The following PHLPP1 variants were observed in gnomAD, a reference collection of about 807,000 sequenced individuals.
PHLPP1 encodes PH domain leucine-rich repeat-containing protein phosphatase 1.
PHLPP1 carries 42 observed loss-of-function variants against 117.2 expected under a neutral mutation model. The observed-to-expected ratio is 0.36, with a 90% CI of 0.28 to 0.46. PHLPP1 has a LOEUF of 0.46. Ranked by LOEUF, PHLPP1 falls within the 20% of genes least tolerant of loss-of-function variation. PHLPP1 has a pLI of 1.00. For synonymous variants in PHLPP1, 1,042 were observed against 970.7 expected (o/e 1.07, Z -1.37); for missense variants, 2,084 against 2,241.9 (o/e 0.93, Z 1.42).
chr18:62,854,985 C>A (rs916728017), intron 3 of PHLPP1, among the ~76,000 whole-genome samples: 25 of 152,184 alleles, frequency 1.6e-4, no homozygotes, highest in Admixed American at 1.6e-3. Flanking sequence ...GCATGAGCCC[C>A]TACACCCAGC....
rs567827672 is a variant in PHLPP1, at chr18:62,761,502, G to A, written c.1576+44243G>A. Reference sequence around the variant, plus strand: ...AAAAAAATTAGCCGGATGTGGTGGCGGGCGCTTGTAGTCCCAGCTACTTGG... The same window carrying A: ...AAAAAAATTAGCCGGATGTGGTGGCAGGCGCTTGTAGTCCCAGCTACTTGG... On this transcript the variant is annotated intron_variant, in intron 1 of 16. Coordinates refer to ENST00000262719, the MANE Select transcript of PHLPP1 (RefSeq NM_194449.4). Among the ~76,000 whole-genome samples, 8 of 152,042 alleles carry A rather than the reference G, an allele frequency of 5.3e-5. No homozygotes were observed. The South Asian group carries it at 6.2e-4, about 12-fold the overall frequency.
intron 6 of PHLPP1, among the ~76,000 whole-genome samples, chr18:62,900,759 A>G (rs1916704076): frequency 6.6e-6 from 1 of 151,964 alleles, no homozygotes; most frequent in African/African-American, 2.4e-5. Flanking sequence ...GCCATAATAT[A>G]TTGTATTCTT....
chr18:62,761,748 A>T (rs1219043832), intron 1 of PHLPP1, among the ~76,000 whole-genome samples: 1 of 151,926 alleles, frequency 6.6e-6, no homozygotes, highest in Non-Finnish European at 1.5e-5. Flanking sequence ...GAGGTACTGA[A>T]TTTGATACAT....
intron 1 of PHLPP1, among the ~76,000 whole-genome samples, chr18:62,776,120 A>G (rs979647621): frequency 3.9e-5 from 6 of 152,308 alleles, no homozygotes; most frequent in African/African-American, 1.2e-4. Context: ...GCTTATGGGA[A>G]CTGGTAAGTC....
At chr18:62,960,687 C>T (rs1910742367) in intron 13 of PHLPP1, among the ~76,000 whole-genome samples, 1 of 152,088 alleles carries the variant, frequency 6.6e-6, no homozygotes, top group African/African-American at 2.4e-5. Flanking sequence ...AACATTTCCC[C>T]CCTCAAATTG....
At chr18:62,790,283 C>A (rs1023983706) in intron 1 of PHLPP1, among the ~76,000 whole-genome samples, 1 of 152,146 alleles carries the variant, frequency 6.6e-6, no homozygotes, top group Non-Finnish European at 1.5e-5. Context: ...CAATAAAACA[C>A]GTGGGAGGAG....
At chr18:62,954,894 A>T (rs754143688) in intron 12 of PHLPP1, among the ~76,000 whole-genome samples, 1 of 152,180 alleles carries the variant, frequency 6.6e-6, no homozygotes, top group Non-Finnish European at 1.5e-5. Flanking sequence ...GTGCCAGGCA[A>T]TCATTTGTTC....
chr18:62,849,832 A>AAAAAT (rs1555677083), intron 3 of PHLPP1, among the ~76,000 whole-genome samples: 19 of 33,088 alleles, frequency 5.7e-4, no homozygotes, highest in Non-Finnish European at 7.9e-4. Flanking sequence ...AAAAAAAAAA[A>AAAAAT]ATATATATAT....
At chr18:62,951,972 A>G (rs1872901665) in intron 12 of PHLPP1, among the ~76,000 whole-genome samples, 1 of 151,594 alleles carries the variant, frequency 6.6e-6, no homozygotes, top group Admixed American at 6.6e-5. Context: ...CCACCACCTC[A>G]CCCAGCTAAT....
At chr18:62,747,446 T>C (rs1911712302) in intron 1 of PHLPP1, among the ~76,000 whole-genome samples, 2 of 151,616 alleles carry the variant, frequency 1.3e-5, no homozygotes, top group Admixed American at 6.6e-5. Flanking sequence ...CCCAGCCGAT[T>C]TTTGTCTTTC....
At chr18:62,937,309 ATC>A (rs1910003580) in intron 10 of PHLPP1, among the ~76,000 whole-genome samples, 1 of 152,252 alleles carries the variant, frequency 6.6e-6, no homozygotes, top group Admixed American at 6.5e-5. Context: ...CAGGAGCCAT[ATC>A]TGTGTGTCTT....
In PHLPP1 at chr18:62,766,076, A is replaced by ATATATATATATATAC. The variant is rs1555670395; in HGVS notation, c.1576+48817_1576+48818insTATATATATATATAC. ...ACTCCATCTCAAAAAAAAAAAAAAA[A>ATATATATATATATAC]ATATATATATATATATATATATATA... On this transcript the variant is annotated intron_variant, in intron 1 of 16. Coordinates refer to ENST00000262719, the MANE Select transcript of PHLPP1 (RefSeq NM_194449.4). Among the ~76,000 whole-genome samples the ATATATATATATATAC allele has an allele frequency of 9.2e-5, 2 of 21,648 alleles. 1 individual carries two copies. The highest frequency in any genetic ancestry group is 6.6e-3 in the East Asian group (2 of 302). 14.2% of individuals were successfully genotyped at this position (21,648 alleles called of 152,430 possible). A position where few individuals can be genotyped will look rare whatever the true frequency, so the allele number is the denominator to read the frequency against.
In PHLPP1 at chr18:62,975,456, A is replaced by G. The variant is rs1472353163; in HGVS notation, c.3815A>G (p.His1272Arg). 6.2e-7 allele frequency: 1 copy of G among 1,613,872 alleles called. No individual in the cohort carries two copies. Among genetic ancestry groups the G allele is most frequent in the Non-Finnish European group, 8.5e-7 (1 of 1,179,866 alleles). The change falls in exon 16 of 17, where the codon CAT (histidine) becomes CGT (arginine). Residue 1272 changes from histidine (H) to arginine (R), a missense_variant. By Grantham distance (29) the His-to-Arg change is conservative. Around this residue, in one of 2 missense-constraint regions of PHLPP1, gnomAD observed 1,365 missense variants for 1,605.9 expected, o/e 0.85. Transcript: ENST00000262719. ...GCCGCTGTCCTTTGTCATATCAAGC[A>G]TGACCCTGTGGATCCAGGAGGATCC... The part of the protein sequence containing the change: ...GGAAVLCHIK[H>R]DPVDPGGSFT...
At chr18:62,756,579 C>T (rs976337147) in intron 1 of PHLPP1, among the ~76,000 whole-genome samples, 5 of 152,108 alleles carry the variant, frequency 3.3e-5, no homozygotes, top group African/African-American at 9.7e-5. Context: ...CTTGACTTGG[C>T]GGTTTGCTCT....
intron 4 of PHLPP1, among the ~76,000 whole-genome samples, chr18:62,863,109 G>A (rs1019228133): frequency 2.7e-4 from 41 of 151,004 alleles, no homozygotes; most frequent in Admixed American, 5.9e-4. Flanking sequence ...ATAAAGAATG[G>A]CTTACTCCAT....
At chr18:62,880,802 T>G (rs973678773) in intron 4 of PHLPP1, among the ~76,000 whole-genome samples, 2 of 152,218 alleles carry the variant, frequency 1.3e-5, no homozygotes, top group Non-Finnish European at 2.9e-5. Flanking sequence ...TTTCCTGAAT[T>G]TAGTTAGTTC....
chr18:62,882,394 G>A (rs1185259288), intron 4 of PHLPP1, among the ~76,000 whole-genome samples: 6 of 151,472 alleles, frequency 4.0e-5, no homozygotes, highest in Middle Eastern at 3.4e-3. Context: ...TCAGCCTCCC[G>A]AGTAGCTGGG....
rs1057416530 is a variant in PHLPP1 at position 62,715,699 on chromosome 18, G to A, written c.16G>A (p.Ala6Thr). ...CCCCACTGCAATGGAGCCCGCCGCC[G>A]CGGCCACGGTACAGCGACTCCCCGA... is the stretch of plus-strand genomic sequence containing the variant. MEPAA[A>T]ATVQRLPELG... The change falls in exon 1 of 17, where the codon GCG becomes ACG. Residue 6 changes from alanine (A) to threonine (T), a missense_variant. By Grantham distance (58) the Ala-to-Thr change is moderately conservative (BLOSUM62 0). Coordinates refer to ENST00000262719, the MANE Select transcript of PHLPP1 (RefSeq NM_194449.4). 3.0e-5 allele frequency: 39 copies of A among 1,291,876 alleles called. No individual in the cohort carries two copies. In the Middle Eastern group the frequency reaches 1.0e-3, roughly 34 times the overall value. The allele number at this position is 1,291,876 out of a possible 1,614,324, so 80.0% of individuals were successfully genotyped here. A position where few individuals can be genotyped will look rare whatever the true frequency, so the allele number is the denominator to read the frequency against.
At chr18:62,869,015 C>T (rs913654671) in intron 4 of PHLPP1, among the ~76,000 whole-genome samples, 2 of 152,194 alleles carry the variant, frequency 1.3e-5, no homozygotes, top group Non-Finnish European at 2.9e-5. Context: ...GAAGAAGAAT[C>T]ATTGAGAATA....
Sources: allele counts gnomAD v4.1 joint callset (sites outside exome capture counted in the v4.1 genomes callset), GRCh38; gene constraint gnomAD v4.1.1; regional missense constraint gnomAD v4.1.1; transcripts MANE v1.5; gene names NCBI Gene and HGNC (gene_info 2026-07-23, HGNC 2026-07-21).